Variants in ZNF143 observed in about 807,000 individuals in gnomAD.
The protein encoded by ZNF143 is SPH-binding factor.
A neutral mutation model predicts 74.1 loss-of-function variants in ZNF143; 49 were observed. That is an observed-to-expected ratio of 0.66 (90% CI 0.53 to 0.84). The LOEUF is 0.84. ZNF143 is among the 40% of genes least tolerant of loss of function. ZNF143 has a pLI of 0.00. For missense variants in ZNF143, 637 were observed against 793.4 expected (o/e 0.80, Z 2.37); for synonymous variants, 304 against 282.8 (o/e 1.07, Z -0.75).
intron 11 of ZNF143, among the ~76,000 whole-genome samples, chr11:9,505,037 G>A (rs1368753128): frequency 1.8e-5 from 2 of 108,720 alleles, no homozygotes; most frequent in East Asian, 2.6e-4. Context: ...GCAATGGCAC[G>A]ATCTAGGCTC....
At chr11:9,478,825 A>C (rs1590530541) in intron 6 of ZNF143, among the ~76,000 whole-genome samples, 1 of 152,268 alleles carries the variant, frequency 6.6e-6, no homozygotes, top group East Asian at 1.9e-4. Flanking sequence ...CTAGCAACTC[A>C]AAGTCAAAAT....
At chr11:9,471,935 GT>G (rs11285095) in intron 2 of ZNF143, among the ~76,000 whole-genome samples, 74,753 of 136,528 alleles carry the variant, frequency 0.55, 19,513 homozygotes, top group Non-Finnish European at 0.58. Flanking sequence ...CTTTTCTTTT[GT>G]TTTTTTTTTT....
intron 14 of ZNF143, among the ~76,000 whole-genome samples, chr11:9,524,612 A>G (rs1173614628): frequency 1.3e-5 from 2 of 152,134 alleles, no homozygotes; most frequent in Non-Finnish European, 1.5e-5. Context: ...GTTAATTGCC[A>G]TTTTCCATGT....
intron 7 of ZNF143, among the ~76,000 whole-genome samples, chr11:9,484,825 T>A (rs1461675690): frequency 8.0e-5 from 11 of 137,682 alleles, no homozygotes; most frequent in African/African-American, 3.0e-4. Flanking sequence ...TGAGACGGAG[T>A]CTAGCTCTGT....
intron 12 of ZNF143, among the ~76,000 whole-genome samples, chr11:9,510,279 C>T (rs1848496485): frequency 3.3e-5 from 5 of 151,994 alleles, no homozygotes; most frequent in Non-Finnish European, 2.9e-5. Context: ...CGCCCGCCAC[C>T]ATGCCTGGCT....
intron 14 of ZNF143, among the ~76,000 whole-genome samples, chr11:9,518,776 C>A (rs17258462): frequency 0.3 from 45,354 of 151,212 alleles, 8,389 homozygotes; most frequent in Middle Eastern, 0.43. Flanking sequence ...TTTGTATTAA[C>A]GGTTTAAGCT....
At position 9,472,674 on chromosome 11, in the gene ZNF143, T is replaced by C. The variant is rs755904131; in HGVS notation, c.113-3T>C. ...AAAGAAAATATTGATTTTTTTGTAA[T>C]AGATGGTGACAACTTAGAAAATATG... On this transcript the variant is annotated splice_polypyrimidine_tract_variant and splice_region_variant and intron_variant, in intron 2 of 15. Transcript: ENST00000396602. 1.7e-5 allele frequency: 27 copies of C among 1,609,176 alleles called. No individual in the cohort carries two copies. The highest frequency in any genetic ancestry group is 2.2e-5 in the Non-Finnish European group (26 of 1,178,530).
At chr11:9,472,643 C>G in intron 2 of ZNF143, 34 bp from the exon 3 acceptor site, 1 of 1,561,598 alleles carries the variant, frequency 6.4e-7, no homozygotes, top group South Asian at 1.1e-5. Flanking sequence ...CATATGCTAG[C>G]TGTCTAAAGA....
At chr11:9,498,540 TC>T (rs1234616351) in intron 10 of ZNF143, among the ~76,000 whole-genome samples, 1 of 152,214 alleles carries the variant, frequency 6.6e-6, no homozygotes, top group East Asian at 1.9e-4. Flanking sequence ...CATTTCTCCT[TC>T]TCTTTAAATT....
chr11:9,491,298 C>T (rs1847765513), intron 7 of ZNF143, among the ~76,000 whole-genome samples: 1 of 151,624 alleles, frequency 6.6e-6, no homozygotes, highest in East Asian at 1.9e-4. Context: ...TGCTTTGTCA[C>T]TGTAATTTTT....
Position 9,527,664 on chromosome 11 carries a change from A to C in ZNF143, c.*51A>C, listed in dbSNP as rs1172141393. The C allele has an allele frequency of 1.9e-6, 3 of 1,560,020 alleles. No individual in the cohort carries two copies. The highest frequency in any genetic ancestry group is 2.6e-6 in the Non-Finnish European group (3 of 1,132,680). On this transcript the variant is annotated 3_prime_UTR_variant, in exon 16 of 16. Coordinates refer to ENST00000396602, the MANE Select transcript of ZNF143 (RefSeq NM_003442.6). ...CAGAAGGAGTCTTTCATCTTCTGGC[A>C]GCAGAAATCCATGAAGCCCGGGCCC... is the stretch of plus-strand genomic sequence containing the variant.
intron 7 of ZNF143, among the ~76,000 whole-genome samples, chr11:9,487,101 G>A (rs182165983): frequency 1.3e-4 from 19 of 150,812 alleles, no homozygotes; most frequent in African/African-American, 4.5e-4. Context: ...CGAGTAGCTG[G>A]GAATACAGGT....
intron 7 of ZNF143, among the ~76,000 whole-genome samples, chr11:9,488,452 A>T (rs1847645801): frequency 6.6e-6 from 1 of 152,048 alleles, no homozygotes; most frequent in African/African-American, 2.4e-5. Context: ...TAATACTCTC[A>T]TGTTGTTTCC....
chr11:9,475,828 T>C (rs1348039393), intron 5 of ZNF143, among the ~76,000 whole-genome samples: 3 of 151,096 alleles, frequency 2.0e-5, no homozygotes, highest in Non-Finnish European at 4.4e-5. Flanking sequence ...ACCCAGGAGG[T>C]AGAGGTTGCA....
At chr11:9,506,538 C>T (rs530126001) in intron 11 of ZNF143, among the ~76,000 whole-genome samples, 1 of 152,248 alleles carries the variant, frequency 6.6e-6, no homozygotes, top group East Asian at 1.9e-4. Flanking sequence ...ACTGATTGCC[C>T]AGATCCTGTC....
intron 5 of ZNF143, among the ~76,000 whole-genome samples, chr11:9,476,290 A>T (rs142726178): frequency 6.6e-6 from 1 of 152,290 alleles, no homozygotes; most frequent in African/African-American, 2.4e-5. Context: ...CATGTAAAGC[A>T]CTTAGAACCG....
At chr11:9,483,899 G>A (rs1847351317) in intron 7 of ZNF143, among the ~76,000 whole-genome samples, 1 of 150,878 alleles carries the variant, frequency 6.6e-6, no homozygotes, top group Non-Finnish European at 1.5e-5. Flanking sequence ...ACAGGCACAT[G>A]CTACCATGCA....
chr11:9,490,961 G>A (rs1847751581), intron 7 of ZNF143, among the ~76,000 whole-genome samples: 1 of 152,156 alleles, frequency 6.6e-6, no homozygotes, highest in Non-Finnish European at 1.5e-5. Flanking sequence ...TCAAACTCCT[G>A]GGCTCACGCG....
chr11:9,484,946 C>T (rs1455380083), intron 7 of ZNF143, among the ~76,000 whole-genome samples: 1 of 149,946 alleles, frequency 6.7e-6, no homozygotes, highest in Non-Finnish European at 1.5e-5. Flanking sequence ...TACAGGCGCC[C>T]GCCACCACGC....
Sources: allele counts gnomAD v4.1 joint callset (sites outside exome capture counted in the v4.1 genomes callset), GRCh38; gene constraint gnomAD v4.1.1; transcripts MANE v1.5; gene names NCBI Gene and HGNC (gene_info 2026-07-23, HGNC 2026-07-21).